Variants in SV2C observed in about 807,000 individuals in gnomAD.
The protein encoded by SV2C is synaptic vesicle glycoprotein 2C, also known as solute carrier family 22 member B3.
A neutral mutation model predicts 79.7 loss-of-function variants in SV2C; 49 were observed. That is an observed-to-expected ratio of 0.61 (90% CI 0.49 to 0.78). SV2C has a LOEUF of 0.78. Among genes scored for constraint, SV2C ranks in the 30% least tolerant of loss-of-function variants. The pLI is 0.00. For missense variants in SV2C, 833 were observed against 912.9 expected, an observed-to-expected ratio of 0.91 and a Z score of 1.13; for synonymous variants, 334 against 333.2, an observed-to-expected ratio of 1.00 and a Z score of -0.03.
chr5:76,127,923 C>T (rs770888960), intron 1 of SV2C, among the ~76,000 whole-genome samples: 6 of 152,286 alleles, frequency 3.9e-5, no homozygotes, highest in East Asian at 3.9e-4. Context: ...CGCTCCCTCC[C>T]GCCCTGCTCC....
intron 1 of SV2C, among the ~76,000 whole-genome samples, chr5:76,122,051 A>T (rs1257914179): frequency 6.6e-6 from 1 of 152,020 alleles, no homozygotes; most frequent in African/African-American, 2.4e-5. Flanking sequence ...TTCATTGAGC[A>T]GTGGTTTGTA....
rs566644791 is a variant in SV2C at position 76,104,210 on chromosome 5, T to G, written c.-102+20698T>G. On this transcript the variant is annotated intron_variant, in intron 1 of 12. Transcript: ENST00000502798. ...ATGTGACAGTTGTTAACTGTTCTAA[T>G]GTCAGTATTGGCCAAGGCCCACGGG... Among the ~76,000 whole-genome samples, 4 of 152,314 alleles carry G rather than the reference T, an allele frequency of 2.6e-5. No homozygotes were observed. In the South Asian group the frequency reaches 8.3e-4, roughly 32 times the overall value.
chr5:76,088,556 A>G (rs1347970014), intron 1 of SV2C, among the ~76,000 whole-genome samples: 1 of 152,124 alleles, frequency 6.6e-6, no homozygotes, highest in African/African-American at 2.4e-5. Flanking sequence ...CCCATTCATG[A>G]GGGTGGAACC....
At chr5:75,863,622 G>A in the SV2C span, among the ~76,000 whole-genome samples, 1 of 152,070 alleles carries the variant, frequency 6.6e-6, no homozygotes, top group African/African-American at 2.4e-5. Context: ...AGCTGCTCTC[G>A]TTCAGAAGGG....
intron 12 of SV2C, among the ~76,000 whole-genome samples, chr5:76,350,952 T>A (rs1749631110): frequency 6.6e-6 from 1 of 150,656 alleles, no homozygotes; most frequent in South Asian, 2.1e-4. Context: ...AGGCGGAGGT[T>A]ACATTGAGCC....
the SV2C span, among the ~76,000 whole-genome samples, chr5:76,078,347 G>T: frequency 6.6e-6 from 1 of 152,172 alleles, no homozygotes; most frequent in Non-Finnish European, 1.5e-5. Flanking sequence ...TGGGCATTTT[G>T]CTAACAGTGG....
chr5:76,058,236 C>T, the SV2C span, among the ~76,000 whole-genome samples: 1 of 152,088 alleles, frequency 6.6e-6, no homozygotes, highest in Non-Finnish European at 1.5e-5. Flanking sequence ...TTAATTGAAA[C>T]GACCATGAAT....
chr5:75,917,455 GC>G, the SV2C span, among the ~76,000 whole-genome samples: 1 of 152,186 alleles, frequency 6.6e-6, no homozygotes, highest in Non-Finnish European at 1.5e-5. Context: ...TGACCACAGA[GC>G]TTTCACAGAA....
intron 4 of SV2C, among the ~76,000 whole-genome samples, chr5:76,238,614 G>A (rs1745691161): frequency 1.3e-5 from 2 of 152,244 alleles, no homozygotes; most frequent in African/African-American, 2.4e-5. Flanking sequence ...AACTAGGGTT[G>A]AGGGTGAGGG....
At chr5:76,060,568 T>C in the SV2C span, among the ~76,000 whole-genome samples, 6 of 152,086 alleles carry the variant, frequency 3.9e-5, no homozygotes, top group African/African-American at 9.7e-5. Flanking sequence ...TCAGCCTTCA[T>C]AGAATTGAAG....
intron 5 of SV2C, chr5:76,285,564 T>C: frequency 1.6e-6 from 1 of 615,734 alleles, no homozygotes; most frequent in East Asian, 2.8e-5. Context: ...AGCGAAATTT[T>C]ACCATCTGGA....
intron 4 of SV2C, among the ~76,000 whole-genome samples, chr5:76,273,838 A>G (rs1386457878): frequency 6.6e-6 from 1 of 152,190 alleles, no homozygotes; most frequent in African/African-American, 2.4e-5. Flanking sequence ...ATCGCTGCCA[A>G]TTATTTTTAT....
chr5:75,982,204 C>T, the SV2C span, among the ~76,000 whole-genome samples: 1 of 131,468 alleles, frequency 7.6e-6, no homozygotes. Context: ...ACAATGTGCA[C>T]ATGTACCCTA....
chr5:76,270,303 G>A (rs978017425), intron 4 of SV2C, among the ~76,000 whole-genome samples: 7 of 152,208 alleles, frequency 4.6e-5, no homozygotes, highest in Admixed American at 3.3e-4. Flanking sequence ...AGTCTAAGTT[G>A]TGTGTGGGGG....
chr5:75,946,218 T>C, the SV2C span, among the ~76,000 whole-genome samples: 4 of 152,196 alleles, frequency 2.6e-5, no homozygotes, highest in East Asian at 7.7e-4. Flanking sequence ...GAAATACCAC[T>C]ACAGAACCTA....
chr5:75,949,853 T>C, the SV2C span, among the ~76,000 whole-genome samples: 4 of 152,018 alleles, frequency 2.6e-5, no homozygotes, highest in Admixed American at 2.6e-4. Context: ...CCAAAGTGAT[T>C]GTGGTGGAGG....
the SV2C span, among the ~76,000 whole-genome samples, chr5:75,987,701 G>A: frequency 2.0e-4 from 30 of 151,990 alleles, no homozygotes; most frequent in Non-Finnish European, 3.4e-4. Context: ...TAAAATAAAA[G>A]TAGGTTTGTT....
intron 4 of SV2C, among the ~76,000 whole-genome samples, chr5:76,261,405 T>C (rs1371158754): frequency 6.6e-6 from 1 of 152,188 alleles, no homozygotes; most frequent in Non-Finnish European, 1.5e-5. Flanking sequence ...CAATTTGACT[T>C]TCTCTATTCC....
At chr5:75,904,659 A>C in the SV2C span, among the ~76,000 whole-genome samples, 1 of 152,194 alleles carries the variant, frequency 6.6e-6, no homozygotes, top group Admixed American at 6.5e-5. Flanking sequence ...CTTCCTCCCA[A>C]GCTTACACCA....
Sources: allele counts gnomAD v4.1 joint callset (sites outside exome capture counted in the v4.1 genomes callset), GRCh38; gene constraint gnomAD v4.1.1; transcripts MANE v1.5; gene names NCBI Gene and HGNC (gene_info 2026-07-23, HGNC 2026-07-21).